Variants in PDE3A observed in about 807,000 individuals in gnomAD.
The protein encoded by PDE3A is cGMP-inhibited 3',5'-cyclic phosphodiesterase 3A.
PDE3A carries 43 observed loss-of-function variants against 98.3 expected under a neutral mutation model. The ratio of observed to expected loss-of-function variants is 0.44; its 90% CI spans 0.34 to 0.56. PDE3A has a LOEUF of 0.56. PDE3A is among the 20% of genes least tolerant of loss of function. The probability of loss-of-function intolerance (pLI) is 0.01; values close to 1 mark genes in which losing one functional copy is unlikely to be tolerated. For missense variants in PDE3A, 1,427 were observed against 1,440.7 expected (o/e 0.99, Z 0.15); for synonymous variants, 663 against 567.9 (o/e 1.17, Z -2.38).
chr12:20,541,541 A>AT (rs1336253166), intron 1 of PDE3A, among the ~76,000 whole-genome samples: 1 of 152,064 alleles, frequency 6.6e-6, no homozygotes, highest in Admixed American at 6.6e-5. Context: ...CTGGTTAATT[A>AT]TTTCTGCACC....
At chr12:20,670,305 C>G (rs1005547259) in intron 15 of PDE3A, among the ~76,000 whole-genome samples, 54 of 147,640 alleles carry the variant, frequency 3.7e-4, no homozygotes, top group African/African-American at 1.3e-3. Context: ...AGAAAGTCAA[C>G]AAGGATACCC....
intron 1 of PDE3A, among the ~76,000 whole-genome samples, chr12:20,387,026 G>C (rs1591872668): frequency 6.6e-6 from 1 of 152,044 alleles, no homozygotes; most frequent in Non-Finnish European, 1.5e-5. Context: ...GTGTTAAATA[G>C]GGAATCCTTT....
At chr12:20,585,964 G>A (rs577301989) in intron 2 of PDE3A, among the ~76,000 whole-genome samples, 2 of 152,116 alleles carry the variant, frequency 1.3e-5, no homozygotes, top group Non-Finnish European at 2.9e-5. Flanking sequence ...GGTTTTATGG[G>A]AGCATGGATA....
chr12:20,510,895 A>C (rs1055022577), intron 1 of PDE3A, among the ~76,000 whole-genome samples: 2 of 152,080 alleles, frequency 1.3e-5, no homozygotes, highest in African/African-American at 4.8e-5. Context: ...TCAAAAAAAC[A>C]CTTATTGAAT....
intron 1 of PDE3A, among the ~76,000 whole-genome samples, chr12:20,462,264 G>A (rs576460900): frequency 1.3e-5 from 2 of 152,294 alleles, no homozygotes; most frequent in East Asian, 1.9e-4. Context: ...GCTAAGATGG[G>A]CAGATCACTT....
chr12:20,431,602 C>CACAG (rs1231518048), intron 1 of PDE3A, among the ~76,000 whole-genome samples: 2 of 150,822 alleles, frequency 1.3e-5, no homozygotes, highest in African/African-American at 2.4e-5. Context: ...AAAACACACA[C>CACAG]ACACACACAC....
intron 2 of PDE3A, among the ~76,000 whole-genome samples, chr12:20,595,405 A>T (rs1363318150): frequency 6.6e-6 from 1 of 152,122 alleles, no homozygotes; most frequent in Non-Finnish European, 1.5e-5. Flanking sequence ...CATGATTGGC[A>T]CAGAGAGTCA....
At chr12:20,666,233 G>A (rs1945307579) in intron 15 of PDE3A, among the ~76,000 whole-genome samples, 1 of 152,068 alleles carries the variant, frequency 6.6e-6, no homozygotes, top group African/African-American at 2.4e-5. Flanking sequence ...CCAAAGTGCT[G>A]GGATTACAGG....
At position 20,552,960 on chromosome 12, in the gene PDE3A, T is replaced by G; in HGVS notation, c.961-3700T>G. ...GCTATGCCATGCAGGTGAACCAGCC[T>G]CTGCAGACCGTCCTCAACCAGCTCT... On this transcript the variant is annotated intron_variant, in intron 1 of 15. Coordinates refer to ENST00000359062, the MANE Select transcript of PDE3A (RefSeq NM_000921.5). The surrounding 1 kb of genome is among the most constrained non-coding windows in gnomAD (Gnocchi z 5.1). The G allele has an allele frequency of 6.3e-7, 1 of 1,575,824 alleles. No individual in the cohort carries two copies. The highest frequency in any genetic ancestry group is 8.6e-7 in the Non-Finnish European group (1 of 1,160,704).
At chr12:20,448,751 G>GTTTTTTTTTTTTT (rs1265923346) in intron 1 of PDE3A, among the ~76,000 whole-genome samples, 15 of 134,362 alleles carry the variant, frequency 1.1e-4, no homozygotes, top group South Asian at 7.4e-4. Context: ...TTTATTTTAA[G>GTTTTTTTTTTTTT]GTTTTTTTTT....
chr12:20,673,434 A>C (rs890491495), intron 15 of PDE3A, among the ~76,000 whole-genome samples: 3 of 142,890 alleles, frequency 2.1e-5, no homozygotes, highest in African/African-American at 7.9e-5. Context: ...ACAATAGCAA[A>C]GACTTGGAAC....
At chr12:20,490,684 G>A (rs919209385) in intron 1 of PDE3A, among the ~76,000 whole-genome samples, 2 of 152,294 alleles carry the variant, frequency 1.3e-5, no homozygotes, top group South Asian at 2.1e-4. Context: ...AAATTCTGTG[G>A]TGGTTAAAAT....
At chr12:20,477,396 C>T (rs1945549171) in intron 1 of PDE3A, among the ~76,000 whole-genome samples, 3 of 152,156 alleles carry the variant, frequency 2.0e-5, no homozygotes, top group East Asian at 3.9e-4. Context: ...TGAGAATTAT[C>T]ATGCAGTTTG....
At chr12:20,429,175 T>C (rs186069922) in intron 1 of PDE3A, among the ~76,000 whole-genome samples, 16 of 152,322 alleles carry the variant, frequency 1.1e-4, no homozygotes, top group Non-Finnish European at 7.4e-5. Context: ...GATGTGAAGA[T>C]GAAATACATA....
chr12:20,525,958 C>G (rs1189442313), intron 1 of PDE3A, among the ~76,000 whole-genome samples: 1 of 152,090 alleles, frequency 6.6e-6, no homozygotes, highest in Non-Finnish European at 1.5e-5. Flanking sequence ...GAGTGAAAAA[C>G]AATAATCACT....
intron 2 of PDE3A, among the ~76,000 whole-genome samples, chr12:20,568,582 C>T (rs1463047214): frequency 4.6e-5 from 7 of 151,674 alleles, no homozygotes; most frequent in African/African-American, 1.2e-4. Context: ...TTGTTGAACC[C>T]GTCTCTCTTT....
intron 1 of PDE3A, among the ~76,000 whole-genome samples, chr12:20,375,337 A>G (rs1412770391): frequency 6.6e-6 from 1 of 151,864 alleles, no homozygotes; most frequent in Non-Finnish European, 1.5e-5. Flanking sequence ...TTATTAAAGG[A>G]GATTTTTTGT....
chr12:20,647,014 T>C (rs1944790761), intron 12 of PDE3A, 64 bp downstream of exon 12: 4 of 1,190,600 alleles, frequency 3.4e-6, no homozygotes, highest in Admixed American at 1.8e-5. Flanking sequence ...TGAAGTTCAG[T>C]GTGATTTATA....
intron 1 of PDE3A, among the ~76,000 whole-genome samples, chr12:20,488,759 G>A (rs1296518380): frequency 6.6e-6 from 1 of 151,886 alleles, no homozygotes; most frequent in Non-Finnish European, 1.5e-5. Context: ...ACGTGTACCT[G>A]TAGTCCCAGC....
Sources: allele counts gnomAD v4.1 joint callset (sites outside exome capture counted in the v4.1 genomes callset), GRCh38; gene constraint gnomAD v4.1.1; non-coding constraint Gnocchi (gnomAD v3.1); transcripts MANE v1.5; gene names NCBI Gene and HGNC (gene_info 2026-07-23, HGNC 2026-07-21).